PEBP4: variants seen among roughly 807,000 people sequenced by gnomAD.
PEBP4 encodes the protein phosphatidylethanolamine-binding protein 4.
In PEBP4, 22 loss-of-function variants were observed where a neutral mutation model predicts 23.9. That is an observed-to-expected ratio of 0.92 (90% CI 0.66 to 1.31). PEBP4 has a LOEUF of 1.31. PEBP4 is among the 40% of genes most tolerant of loss of function. PEBP4 has a pLI of 0.00. For synonymous variants in PEBP4, 112 were observed against 99.3 expected (o/e 1.13, Z -0.76); for missense variants, 324 against 281.7 (o/e 1.15, Z -1.07).
Position 22,768,740 on chromosome 8 carries a change from G to C in PEBP4, c.358-41520C>G, listed in dbSNP as rs1382304489. On this transcript the variant is annotated intron_variant, in intron 4 of 6. Coordinates refer to ENST00000256404, the MANE Select transcript of PEBP4 (RefSeq NM_144962.3). ...GTCAGGGCAGGATGGGGAGAGGAGTGGGGGCGGGCTTTTTGTTGGCCCGCG... is the reference window on the plus strand; with the variant it reads ...GTCAGGGCAGGATGGGGAGAGGAGTCGGGGCGGGCTTTTTGTTGGCCCGCG... Among the ~76,000 whole-genome samples the C allele has an allele frequency of 2.0e-5, 3 of 152,100 alleles. No individual in the cohort carries two copies. The East Asian group carries it at 5.8e-4, about 29-fold the overall frequency.
chr8:22,810,451 A>C lies in PEBP4; in HGVS notation c.357+7186T>G, dbSNP rs1223617316. 2.6e-5 allele frequency among the ~76,000 whole-genome samples: 4 copies of C among 152,056 alleles called. No homozygotes were observed. The East Asian group carries it at 7.7e-4, about 29-fold the overall frequency. On this transcript the variant is annotated intron_variant, in intron 4 of 6. Transcript: ENST00000256404. ...CCCACCGCCAACCCCCTCGCTTCCT[A>C]AGAGCATCTGCTCAGGGGTGGGTGT... is the stretch of plus-strand genomic sequence containing the variant.
Position 22,775,088 on chromosome 8 carries a change from T to C in PEBP4, c.357+42549A>G, listed in dbSNP as rs143392406. On this transcript the variant is annotated intron_variant, in intron 4 of 6. Transcript: ENST00000256404. This position sits in a 1 kb window ranked among gnomAD's most constrained non-coding sequence, Gnocchi z 4.8. ...GCTCTGCATTAAGTTAGCCATGTGA[T>C]ACATTTTCCGTTGCCTCTCTGGCAT... 3.2e-4 allele frequency among the ~76,000 whole-genome samples: 48 copies of C among 152,342 alleles called. No individual in the cohort carries two copies. Among genetic ancestry groups the C allele is most frequent in the African/African-American group, 1.1e-3 (46 of 41,578 alleles).
intron 3 of PEBP4, among the ~76,000 whole-genome samples, chr8:22,874,387 T>C (rs1808076237): frequency 1.3e-5 from 2 of 152,090 alleles, no homozygotes; most frequent in African/African-American, 4.8e-5. Context: ...GCAGGGAGAA[T>C]GAGTTATTAA....
chr8:22,813,066 C>A lies in PEBP4; in HGVS notation c.357+4571G>T, dbSNP rs984912988. The stretch of plus-strand genomic sequence containing the variant: ...AGAAAGCAGGGAGCTATAATTCTTG[C>A]CCTGTTTATTGGATTTCCCATTATC... On this transcript the variant is annotated intron_variant, in intron 4 of 6. Coordinates refer to ENST00000256404, the MANE Select transcript of PEBP4 (RefSeq NM_144962.3). Among the ~76,000 whole-genome samples, 3 of 152,166 alleles carry A rather than the reference C, an allele frequency of 2.0e-5. No homozygotes were observed. The East Asian group carries it at 5.8e-4, about 29-fold the overall frequency.
chr8:22,929,667 C>A (rs1163872549), upstream of PEBP4, among the ~76,000 whole-genome samples: 2 of 152,214 alleles, frequency 1.3e-5, no homozygotes, highest in African/African-American at 2.4e-5. Flanking sequence ...ATTTGAACCC[C>A]AGGCTCTGGT....
chr8:22,908,443 C>T (rs564901357), intron 3 of PEBP4, among the ~76,000 whole-genome samples: 31 of 152,028 alleles, frequency 2.0e-4, no homozygotes, highest in African/African-American at 7.5e-4. Context: ...CAGTAAAATG[C>T]TGCTGATGGG....
At position 22,923,543 on chromosome 8, in the gene PEBP4, G is replaced by T. The variant is rs74632706; in HGVS notation, c.132-3233C>A. On this transcript the variant is annotated intron_variant, in intron 2 of 6. Coordinates refer to ENST00000256404, the MANE Select transcript of PEBP4 (RefSeq NM_144962.3). ...GATCCTGCTTCTACATTCCAGCCTG[G>T]GTGACAGAGGGTGATGCACTGAGAC... 7.9e-4 allele frequency among the ~76,000 whole-genome samples: 121 copies of T among 152,212 alleles called. 1 individual carries two copies. The highest frequency in any genetic ancestry group is 3.4e-3 in the Middle Eastern group (1 of 294).
intron 1 of PEBP4, among the ~76,000 whole-genome samples, chr8:22,940,818 G>T (rs1297121163): frequency 6.6e-6 from 1 of 152,112 alleles, no homozygotes; most frequent in African/African-American, 2.4e-5. Flanking sequence ...AGCTCCCTAG[G>T]CCAAGGTGTT....
At chr8:22,859,237 C>T (rs540541599) in intron 3 of PEBP4, among the ~76,000 whole-genome samples, 1 of 152,334 alleles carries the variant, frequency 6.6e-6, no homozygotes, top group African/African-American at 2.4e-5. Flanking sequence ...GTGGAGCCTG[C>T]ACCCCAGGAG....
At chr8:22,822,205 C>T (rs186212779) in intron 3 of PEBP4, among the ~76,000 whole-genome samples, 3 of 151,954 alleles carry the variant, frequency 2.0e-5, no homozygotes, top group African/African-American at 2.4e-5. Context: ...AAATAATGAC[C>T]GTTGGATTTT....
At chr8:22,919,805 G>A (rs922975093) in intron 3 of PEBP4, among the ~76,000 whole-genome samples, 2 of 152,158 alleles carry the variant, frequency 1.3e-5, no homozygotes, top group Admixed American at 1.3e-4. Context: ...CGCCTTGAGA[G>A]AGGACTCCTC....
intron 4 of PEBP4, among the ~76,000 whole-genome samples, chr8:22,810,570 C>T (rs1806597429): frequency 6.6e-6 from 1 of 151,876 alleles, no homozygotes; most frequent in Admixed American, 6.6e-5. Context: ...TGGCTTTGCC[C>T]ATGAAGGAGT....
At chr8:22,735,635 C>G (rs1474366404) in intron 4 of PEBP4, among the ~76,000 whole-genome samples, 2 of 152,232 alleles carry the variant, frequency 1.3e-5, no homozygotes, top group Non-Finnish European at 2.9e-5. Flanking sequence ...AAGGCTTCTT[C>G]TCTTCTCCAA....
intron 6 of PEBP4, among the ~76,000 whole-genome samples, chr8:22,723,838 T>A (rs1804568375): frequency 6.6e-6 from 1 of 152,206 alleles, no homozygotes; most frequent in East Asian, 1.9e-4. Flanking sequence ...TGAAGGGCCC[T>A]GTCGCTCAAC....
upstream of PEBP4, among the ~76,000 whole-genome samples, chr8:22,932,821 A>G (rs1809478755): frequency 6.6e-6 from 1 of 152,132 alleles, no homozygotes; most frequent in South Asian, 2.1e-4. Flanking sequence ...CCTGTCCAAC[A>G]TGGTGAAACC....
chr8:22,929,914 C>T (rs1809428391), upstream of PEBP4, among the ~76,000 whole-genome samples: 1 of 152,192 alleles, frequency 6.6e-6, no homozygotes, highest in Non-Finnish European at 1.5e-5. Flanking sequence ...CATTGTTGCC[C>T]AGGCTGGTCT....
At chr8:22,918,541 G>A (rs1809127871) in intron 3 of PEBP4, among the ~76,000 whole-genome samples, 1 of 152,142 alleles carries the variant, frequency 6.6e-6, no homozygotes, top group Non-Finnish European at 1.5e-5. Context: ...CTGCTCTGGA[G>A]GACACCAGGT....
chr8:22,844,018 G>GA (rs1313472618), intron 3 of PEBP4, among the ~76,000 whole-genome samples: 6 of 151,964 alleles, frequency 3.9e-5, no homozygotes, highest in African/African-American at 1.2e-4. Context: ...GAAAAGTGGG[G>GA]AAAAAAATAC....
intron 4 of PEBP4, among the ~76,000 whole-genome samples, chr8:22,733,270 TCCGTGGGCGC>T (rs1001515671): frequency 3.3e-5 from 5 of 152,196 alleles, no homozygotes; most frequent in Non-Finnish European, 7.3e-5. Flanking sequence ...ATAGTCCAAG[TCCGTGGGCGC>T]CCTGGCCCAG....
Sources: gnomAD v4.1 joint callset for allele counts (sites outside exome capture counted in the v4.1 genomes callset) on GRCh38, gnomAD v4.1.1 for gene constraint, Gnocchi (gnomAD v3.1) non-coding constraint, MANE v1.5 for transcripts, NCBI Gene and HGNC (gene_info 2026-07-23, HGNC 2026-07-21) for gene names.